The following NLGN4X variants were observed in gnomAD, a reference collection of about 807,000 sequenced individuals.
NLGN4X encodes the protein neuroligin-4, X-linked.
Under a neutral mutation model 40.3 loss-of-function variants are expected in NLGN4X, and 3 were observed. That is an observed-to-expected ratio of 0.07 (90% CI 0.03 to 0.19). The LOEUF is 0.19. Ranked by LOEUF, NLGN4X falls within the 10% of genes least tolerant of loss-of-function variation. NLGN4X has a pLI of 1.00. For synonymous variants in NLGN4X, 270 were observed against 306.8 expected (o/e 0.88, Z 1.25); for missense variants, 382 against 708.3 (o/e 0.54, Z 5.23).
intron 3 of NLGN4X, among the ~76,000 whole-genome samples, chrX:5,989,101 A>AT (rs1483993251): frequency 5.3e-4 from 58 of 109,462 alleles, no homozygotes; most frequent in Admixed American, 1.5e-3. Flanking sequence ...AATAAAAAAA[A>AT]AAATAAAAAA....
intron 3 of NLGN4X, among the ~76,000 whole-genome samples, chrX:5,918,714 G>C (rs931862672): frequency 2.7e-5 from 3 of 111,346 alleles, no homozygotes; most frequent in Non-Finnish European, 5.7e-5. Context: ...TTTTCTTTTT[G>C]AAGATAGCTA....
chrX:6,076,957 G>C (rs2038214166), intron 2 of NLGN4X, among the ~76,000 whole-genome samples: 1 of 111,954 alleles, frequency 8.9e-6, no homozygotes, highest in African/African-American at 3.2e-5. Flanking sequence ...AGCATCATCT[G>C]TGCTCAGACC....
intron 3 of NLGN4X, among the ~76,000 whole-genome samples, chrX:5,918,066 T>C (rs2032880440): frequency 1.8e-5 from 2 of 111,791 alleles, no homozygotes; most frequent in South Asian, 3.7e-4. Context: ...ATGTATGAAG[T>C]AGCCATGATG....
At position 5,938,967 on chromosome X, in the gene NLGN4X, G is replaced by A. The variant is rs776282051; in HGVS notation, c.626-29728C>T. On this transcript the variant is annotated intron_variant, in intron 3 of 5. Transcript: ENST00000381095. ...TGTGTGTTTGTATTTGTGTGTGTGC[G>A]TGTGTGTGTGTGTGTGTGTGTGTGT... Among the ~76,000 whole-genome samples, 12 of 70,443 alleles carry A rather than the reference G, an allele frequency of 1.7e-4. No homozygotes were observed. In the East Asian group the frequency reaches 4.6e-3, roughly 27 times the overall value. The allele number at this position is 70,443 out of a possible 115,157, so 61.2% of individuals were successfully genotyped here. A position where few individuals can be genotyped will look rare whatever the true frequency, so the allele number is the denominator to read the frequency against.
In NLGN4X at chrX:6,032,203, GA is replaced by G. The variant is rs1337715814; in HGVS notation, c.473-2772del. ...ATGTTGGAATCAATATGTTTGTGAAGAAAAAAAAAACTGATATTTCAGCCCC... is the reference window on the plus strand; with the variant it reads ...ATGTTGGAATCAATATGTTTGTGAAGAAAAAAAAACTGATATTTCAGCCCC... On this transcript the variant is annotated intron_variant, in intron 2 of 5. Transcript: ENST00000381095. Among the ~76,000 whole-genome samples the G allele has an allele frequency of 3.9e-4, 24 of 60,818 alleles. No individual in the cohort carries two copies. In the South Asian group the frequency reaches 0.01, roughly 26 times the overall value. 52.8% of individuals were successfully genotyped at this position (60,818 alleles called of 115,157 possible). A position where few individuals can be genotyped will look rare whatever the true frequency, so the allele number is the denominator to read the frequency against.
chrX:6,211,295 T>G (rs1015291434), intron 1 of NLGN4X, among the ~76,000 whole-genome samples: 13 of 111,128 alleles, frequency 1.2e-4, no homozygotes, highest in Non-Finnish European at 2.3e-4. Flanking sequence ...AATGCCCAAT[T>G]TGAAAATTAG....
At chrX:6,140,472 AC>A (rs2039924596) in intron 2 of NLGN4X, among the ~76,000 whole-genome samples, 1 of 86,981 alleles carries the variant, frequency 1.1e-5, no homozygotes, top group African/African-American at 4.2e-5. Flanking sequence ...ACACACACAC[AC>A]ACACACACAC....
intron 1 of NLGN4X, among the ~76,000 whole-genome samples, chrX:6,216,609 G>A (rs1925107450): frequency 8.9e-6 from 1 of 112,364 alleles, no homozygotes; most frequent in African/African-American, 3.2e-5. Flanking sequence ...GTGGAGTCAG[G>A]GGTGAGGGAG....
In NLGN4X at chrX:6,021,081, TCTCTCTCTCTCC is replaced by T. The variant is rs1569190282; in HGVS notation, c.625+8187_625+8198del. 9.0e-3 allele frequency among the ~76,000 whole-genome samples: 441 copies of T among 48,952 alleles called. 1 individual carries two copies. Among genetic ancestry groups the T allele is most frequent in the African/African-American group, 0.018 (157 of 8,678 alleles). The allele number at this position is 48,952 out of a possible 115,157, so 42.5% of individuals were successfully genotyped here. On this transcript the variant is annotated intron_variant, in intron 3 of 5. Coordinates refer to ENST00000381095, the MANE Select transcript of NLGN4X (RefSeq NM_181332.3). ...CCCTCCCTCCCTCCCTCCCTCCCTC[TCTCTCTCTCTCC>T]CCCTCTCCCTCTCTCTTTCTTTCTT...
chrX:5,977,233 A>C (rs919951010), intron 3 of NLGN4X, among the ~76,000 whole-genome samples: 1 of 111,626 alleles, frequency 9.0e-6, no homozygotes, highest in African/African-American at 3.3e-5. Context: ...TTTATTTTTT[A>C]GAGACCAGGT....
At chrX:5,919,291 C>T (rs1476476594) in intron 3 of NLGN4X, among the ~76,000 whole-genome samples, 1 of 111,718 alleles carries the variant, frequency 9.0e-6, no homozygotes, top group African/African-American at 3.3e-5. Flanking sequence ...TCACCTTCAG[C>T]TCTTCTATTG....
intron 1 of NLGN4X, among the ~76,000 whole-genome samples, chrX:6,195,268 A>G (rs1404866881): frequency 8.9e-6 from 1 of 112,339 alleles, no homozygotes; most frequent in Non-Finnish European, 1.9e-5. Context: ...CCATTAGTTG[A>G]GAACACTAAT....
chrX:6,198,064 A>T (rs958985066), intron 1 of NLGN4X, among the ~76,000 whole-genome samples: 1 of 85,239 alleles, frequency 1.2e-5, no homozygotes, highest in African/African-American at 5.4e-5. Flanking sequence ...GCCCTGTCTC[A>T]AAAAACAAAA....
At chrX:6,142,619 T>C (rs912076109) in intron 2 of NLGN4X, among the ~76,000 whole-genome samples, 17 of 112,514 alleles carry the variant, frequency 1.5e-4, no homozygotes, top group African/African-American at 5.2e-4. Context: ...GTTTTTCACC[T>C]ATATTTTGTG....
chrX:6,153,277 C>T (rs2040201856), intron 1 of NLGN4X, among the ~76,000 whole-genome samples: 1 of 110,626 alleles, frequency 9.0e-6, no homozygotes, highest in African/African-American at 3.3e-5. Context: ...GGGGGAAATT[C>T]CATAGTACAT....
chrX:5,948,203 A>G (rs951428365), intron 3 of NLGN4X, among the ~76,000 whole-genome samples: 1 of 112,351 alleles, frequency 8.9e-6, no homozygotes, highest in East Asian at 2.8e-4. Flanking sequence ...TATATGCTGC[A>G]AAATTTATAC....
intron 3 of NLGN4X, among the ~76,000 whole-genome samples, chrX:5,924,903 G>T (rs1209533860): frequency 9.0e-6 from 1 of 110,734 alleles, no homozygotes; most frequent in African/African-American, 3.3e-5. Flanking sequence ...ATTGGGTTCA[G>T]TGTATACTGC....
intron 3 of NLGN4X, among the ~76,000 whole-genome samples, chrX:5,944,078 T>C (rs1480687994): frequency 4.5e-5 from 5 of 111,970 alleles, no homozygotes; most frequent in Non-Finnish European, 9.4e-5. Flanking sequence ...ACATGAAATG[T>C]CTGTTGTGTT....
chrX:6,085,322 C>T (rs1181557361), intron 2 of NLGN4X, among the ~76,000 whole-genome samples: 1 of 111,401 alleles, frequency 9.0e-6, no homozygotes, highest in Non-Finnish European at 1.9e-5. Context: ...GAGTAGAATA[C>T]GGACTTTAGT....
Sources: allele counts gnomAD v4.1 joint callset (sites outside exome capture counted in the v4.1 genomes callset), GRCh38; gene constraint gnomAD v4.1.1; transcripts MANE v1.5; gene names NCBI Gene and HGNC (gene_info 2026-07-23, HGNC 2026-07-21).